ZNF69: variants seen among roughly 807,000 people sequenced by gnomAD.
ZNF69 encodes ZNF3.
Under a neutral mutation model 50.9 loss-of-function variants are expected in ZNF69, and 47 were observed. The ratio of observed to expected loss-of-function variants is 0.92; its 90% confidence interval spans 0.73 to 1.18. The LOEUF is 1.18. ZNF69 is among the 50% of genes most tolerant of loss of function. The pLI, the probability that ZNF69 is intolerant of heterozygous loss-of-function variation, is 0.00. For missense variants in ZNF69, 717 were observed against 675.1 expected, an observed-to-expected ratio of 1.06 and a Z score of -0.69; for synonymous variants, 216 against 223.1, an observed-to-expected ratio of 0.97 and a Z score of 0.29.
intron 1 of ZNF69, among the ~76,000 whole-genome samples, chr19:11,895,411 A>C (rs1599347115): frequency 6.6e-6 from 1 of 152,312 alleles, no homozygotes; most frequent in Non-Finnish European, 1.5e-5. Context: ...GGTCCAGGGA[A>C]TTGAACAAGG....
At chr19:11,888,778 G>A (rs1001479472) in intron 1 of ZNF69, among the ~76,000 whole-genome samples, 3 of 152,112 alleles carry the variant, frequency 2.0e-5, no homozygotes, top group Non-Finnish European at 2.9e-5. Flanking sequence ...GACCAGCCTG[G>A]CCAACATGGT....
the ZNF69 span, among the ~76,000 whole-genome samples, chr19:11,952,720 T>A: frequency 6.6e-6 from 1 of 151,626 alleles, no homozygotes. Context: ...AAGGGTGGAG[T>A]CATTGATTGT....
chr19:11,970,621 C>T, the ZNF69 span, among the ~76,000 whole-genome samples: 178 of 152,114 alleles, frequency 1.2e-3, 1 homozygote, highest in Non-Finnish European at 1.8e-3. Context: ...GCTGGCAATA[C>T]CTGGTTTGTC....
At chr19:11,977,621 A>G in the ZNF69 span, among the ~76,000 whole-genome samples, 75 of 152,330 alleles carry the variant, frequency 4.9e-4, 1 homozygote, top group African/African-American at 1.7e-3. Flanking sequence ...TCCTTTGAGA[A>G]GTGGAGATAG....
chr19:11,914,646 A>G (rs1415763798), downstream of ZNF69, among the ~76,000 whole-genome samples: 1 of 152,176 alleles, frequency 6.6e-6, no homozygotes, highest in Non-Finnish European at 1.5e-5. Flanking sequence ...AACATGGAAA[A>G]GTTTCTTTTA....
chr19:11,949,866 C>T, the ZNF69 span: 2 of 1,614,058 alleles, frequency 1.2e-6, no homozygotes, highest in East Asian at 2.2e-5. Context: ...GTAGGACTCA[C>T]ACTGGAGAGA....
chr19:11,939,498 G>C, the ZNF69 span, among the ~76,000 whole-genome samples: 1 of 152,254 alleles, frequency 6.6e-6, no homozygotes, highest in East Asian at 1.9e-4. Flanking sequence ...TTCCCCATTT[G>C]TTGTTTTTGT....
At chr19:11,890,590 C>T (rs1169023977) in intron 1 of ZNF69, among the ~76,000 whole-genome samples, 1 of 152,142 alleles carries the variant, frequency 6.6e-6, no homozygotes, top group Non-Finnish European at 1.5e-5. Context: ...ACAATCTGAT[C>T]TCTCTTTTCC....
At chr19:11,923,629 G>A in the ZNF69 span, among the ~76,000 whole-genome samples, 1 of 152,206 alleles carries the variant, frequency 6.6e-6, no homozygotes, top group Non-Finnish European at 1.5e-5. Context: ...TCCCTCAGCT[G>A]CCACCTCCAC....
the ZNF69 span, among the ~76,000 whole-genome samples, chr19:11,958,399 T>A: frequency 6.6e-6 from 1 of 152,136 alleles, no homozygotes; most frequent in African/African-American, 2.4e-5. Flanking sequence ...CTCTGCTAAC[T>A]CTGGGTGGCT....
intron 1 of ZNF69, 64 bp from the exon 2 acceptor site, chr19:11,903,509 A>G (rs762133347): frequency 1.6e-5 from 26 of 1,595,924 alleles, no homozygotes; most frequent in Non-Finnish European, 2.0e-5. Flanking sequence ...TCTTGAGAAT[A>G]GAGTCTAGGC....
At chr19:11,925,277 C>A in the ZNF69 span, 1 of 1,611,400 alleles carries the variant, frequency 6.2e-7, no homozygotes, top group Non-Finnish European at 8.5e-7. Flanking sequence ...GGAAATGGTG[C>A]GTGTGCGGGA....
At chr19:11,980,164 G>GCTT in the ZNF69 span, 1 of 642,670 alleles carries the variant, frequency 1.6e-6, no homozygotes. Context: ...TGAATCACCT[G>GCTT]AGGTCAGGAG....
At position 11,899,166 on chromosome 19, in the gene ZNF69, T is replaced by C. The variant is rs537104724; in HGVS notation, c.64-4407T>C. Among the ~76,000 whole-genome samples, 4 of 152,328 alleles carry C rather than the reference T, an allele frequency of 2.6e-5. No individual in the cohort carries two copies. The East Asian group carries it at 7.7e-4, about 29-fold the overall frequency. Reference sequence around the variant, plus strand: ...ACAAATGGTGATGTTCCTGCCTCCGTTTTGCATTTTCCAGAATATCACATA... The same window carrying C: ...ACAAATGGTGATGTTCCTGCCTCCGCTTTGCATTTTCCAGAATATCACATA... On this transcript the variant is annotated intron_variant, in intron 1 of 3. Transcript: ENST00000429654.
chr19:11,919,958 C>T, the ZNF69 span, among the ~76,000 whole-genome samples: 9 of 152,228 alleles, frequency 5.9e-5, no homozygotes, highest in East Asian at 3.9e-4. Context: ...TATATGATAT[C>T]GTGCTGCATT....
chr19:11,973,319 T>C, the ZNF69 span, among the ~76,000 whole-genome samples: 2 of 152,316 alleles, frequency 1.3e-5, no homozygotes, highest in Admixed American at 1.3e-4. Flanking sequence ...CAGACTTGCT[T>C]CTTTCATGTA....
At chr19:11,969,525 C>T in the ZNF69 span, among the ~76,000 whole-genome samples, 1 of 152,186 alleles carries the variant, frequency 6.6e-6, no homozygotes, top group Non-Finnish European at 1.5e-5. Context: ...TAGTAATTTT[C>T]ACGAGTTGTA....
the ZNF69 span, chr19:11,964,909 T>C: frequency 2.4e-6 from 1 of 415,620 alleles, no homozygotes; most frequent in Non-Finnish European, 4.4e-6. Context: ...AGTCTGGCTC[T>C]GCCGGGCCTG....
At chr19:11,913,846 T>G (rs1972494047) in exon 5 of ZNF69, 1 of 153,346 alleles carries the variant, frequency 6.5e-6, no homozygotes, top group African/African-American at 2.4e-5. Context: ...GACTGTGAGA[T>G]GTATGAGAAT....
Sources: allele counts gnomAD v4.1 joint callset (sites outside exome capture counted in the v4.1 genomes callset), GRCh38; gene constraint gnomAD v4.1.1; transcripts MANE v1.5; gene names NCBI Gene and HGNC (gene_info 2026-07-23, HGNC 2026-07-21).